CD247: variants seen among roughly 807,000 people sequenced by gnomAD.
CD247 encodes the protein T-cell surface glycoprotein CD3 zeta chain.
A neutral mutation model predicts 30.0 loss-of-function variants in CD247; 13 were observed. The observed-to-expected ratio is 0.43, with a 90% CI of 0.28 to 0.69. The LOEUF (loss-of-function observed/expected upper bound fraction) is 0.69. Ranked by LOEUF, CD247 falls within the 30% of genes least tolerant of loss-of-function variation. The pLI is 0.16. For synonymous variants in CD247, 72 were observed against 80.0 expected (o/e 0.90, Z 0.53); for missense variants, 193 against 212.6 (o/e 0.91, Z 0.57).
Position 167,478,454 on chromosome 1 carries a change from A to C in CD247, c.59-37687T>G, listed in dbSNP as rs183196351. ...CCTATTTGAAAGGCTGTCTCATGGA[A>C]AAGAGATTGGACTTGTGTATGTGTG... On this transcript the variant is annotated intron_variant, in intron 1 of 7. Transcript: ENST00000362089. Among the ~76,000 whole-genome samples the C allele has an allele frequency of 1.8e-3, 267 of 152,362 alleles. 3 individuals are homozygous for C. The highest frequency in any genetic ancestry group is 8.5e-3 in the Admixed American group (130 of 15,306).
chr1:167,507,209 A>G (rs1773544), intron 1 of CD247, among the ~76,000 whole-genome samples: 63,185 of 151,194 alleles, frequency 0.42, 14,231 homozygotes, highest in East Asian at 0.62. Context: ...GTAAGCCACC[A>G]CGCCTGGCCT....
chr1:167,481,404 T>C (rs1035896792), intron 1 of CD247, among the ~76,000 whole-genome samples: 8 of 152,358 alleles, frequency 5.3e-5, no homozygotes, highest in Middle Eastern at 3.4e-3. Flanking sequence ...CTTATACCTA[T>C]ATTAAAATCA....
In CD247 at chr1:167,431,167, A is replaced by G. The variant is rs1571502467; in HGVS notation, c.*514T>C. The G allele has an allele frequency of 7.0e-6, 3 of 425,720 alleles. No individual in the cohort carries two copies. The allele number at this position is 425,720 out of a possible 1,614,324, so 26.4% of individuals were successfully genotyped here. ...TTGCACCTGGCCTAGGCTCCTTTCCATCTGCCCCTCTGCCCGGCCCTCTCA... is the reference window on the plus strand; with the variant it reads ...TTGCACCTGGCCTAGGCTCCTTTCCGTCTGCCCCTCTGCCCGGCCCTCTCA... On this transcript the variant is annotated 3_prime_UTR_variant, in exon 8 of 8. Transcript: ENST00000362089.
At chr1:167,467,790 C>A (rs538748813) in intron 1 of CD247, among the ~76,000 whole-genome samples, 1 of 152,326 alleles carries the variant, frequency 6.6e-6, no homozygotes, top group East Asian at 1.9e-4. Context: ...CCTAGGGCCT[C>A]CGTCTGGTCG....
At chr1:167,497,718 A>G (rs1654748825) in intron 1 of CD247, among the ~76,000 whole-genome samples, 1 of 152,202 alleles carries the variant, frequency 6.6e-6, no homozygotes, top group Non-Finnish European at 1.5e-5. Flanking sequence ...CAAACTCTCC[A>G]AGGAACAAAC....
chr1:167,466,559 TAAAA>T, intron 1 of CD247, among the ~76,000 whole-genome samples: 1 of 152,328 alleles, frequency 6.6e-6, no homozygotes, highest in East Asian at 1.9e-4. Context: ...ATATTGGAAA[TAAAA>T]TTTAATCCAG....
At chr1:167,440,599 G>A in intron 2 of CD247, 65 bp downstream of exon 2, 1 of 1,080,612 alleles carries the variant, frequency 9.3e-7, no homozygotes, top group South Asian at 1.3e-5. Context: ...CAAGACCAAG[G>A]CCCCTCTGAA....
chr1:167,498,895 A>G (rs1465945299), intron 1 of CD247, among the ~76,000 whole-genome samples: 1 of 152,158 alleles, frequency 6.6e-6, no homozygotes, highest in Admixed American at 6.5e-5. Context: ...GTTGCTTTCT[A>G]TGGTTTACGG....
In CD247 at chr1:167,470,504, TAAA is replaced by T. The variant is rs55679205; in HGVS notation, c.59-29740_59-29738del. On this transcript the variant is annotated intron_variant, in intron 1 of 7. Coordinates refer to ENST00000362089, the MANE Select transcript of CD247 (RefSeq NM_198053.3). ...CTTACAGAAGTAAAAATGTTAATTG[TAAA>T]AAAAAAAAAAAAAAAAAAAAGAAAC... 5.7e-3 allele frequency among the ~76,000 whole-genome samples: 703 copies of T among 122,368 alleles called. 3 individuals carry two copies. The highest frequency in any genetic ancestry group is 8.1e-3 in the Non-Finnish European group (498 of 61,526). The allele number at this position is 122,368 out of a possible 152,430, so 80.3% of individuals were successfully genotyped here.
rs1470408203 is a variant in CD247, at chr1:167,518,402, C to T, written c.58+6G>A. On this transcript the variant is annotated splice_donor_region_variant and intron_variant, in intron 1 of 7. Coordinates refer to ENST00000362089, the MANE Select transcript of CD247 (RefSeq NM_198053.3). Reference sequence around the variant, plus strand: ...AAGTTCCCTGCCGTCGACACGTCGGCCCTACCTGTAATCGGCAACTGTGCC... The same window carrying T: ...AAGTTCCCTGCCGTCGACACGTCGGTCCTACCTGTAATCGGCAACTGTGCC... 2 of 1,614,094 alleles carry T rather than the reference C, an allele frequency of 1.2e-6. No homozygotes were observed. The highest frequency in any genetic ancestry group is 2.2e-5 in the South Asian group (2 of 91,082).
chr1:167,486,085 C>T (rs951022900), intron 1 of CD247, among the ~76,000 whole-genome samples: 1 of 152,230 alleles, frequency 6.6e-6, no homozygotes, highest in Non-Finnish European at 1.5e-5. Flanking sequence ...CAGGTGGCCT[C>T]AGCTCTGCTG....
intron 1 of CD247, among the ~76,000 whole-genome samples, chr1:167,482,244 A>G (rs1044271105): frequency 2.6e-5 from 4 of 152,196 alleles, no homozygotes; most frequent in Non-Finnish European, 5.9e-5. Context: ...TCAAGCTGGC[A>G]TCTCCTTTCT....
At chr1:167,456,271 T>G (rs1652665531) in intron 1 of CD247, among the ~76,000 whole-genome samples, 1 of 152,068 alleles carries the variant, frequency 6.6e-6, no homozygotes, top group South Asian at 2.1e-4. Context: ...TGCCTGTGCC[T>G]GGGGCTGTGC....
intron 4 of CD247, among the ~76,000 whole-genome samples, chr1:167,436,066 A>T (rs1391003787): frequency 6.6e-6 from 1 of 152,236 alleles, no homozygotes; most frequent in East Asian, 1.9e-4. Context: ...CCCTGTGCTT[A>T]AAAGGACCCT....
At chr1:167,446,256 C>T (rs1652073704) in intron 1 of CD247, among the ~76,000 whole-genome samples, 1 of 152,178 alleles carries the variant, frequency 6.6e-6, no homozygotes, top group Non-Finnish European at 1.5e-5. Flanking sequence ...AAGTCCGCCC[C>T]CCACCACTGG....
chr1:167,472,184 A>G lies in CD247; in HGVS notation c.59-31417T>C, dbSNP rs189224662. Among the ~76,000 whole-genome samples the G allele has an allele frequency of 1.2e-3, 178 of 152,156 alleles. 1 individual carries two copies. The highest frequency in any genetic ancestry group is 4.2e-3 in the African/African-American group (176 of 41,482). On this transcript the variant is annotated intron_variant, in intron 1 of 7. Transcript: ENST00000362089. ...CATATTAAGGATTCATCCTTTTCCT[A>G]TGGTATATACTGTGAATATTTTCCC...
intron 7 of CD247, among the ~76,000 whole-genome samples, chr1:167,432,388 T>A (rs1388015600): frequency 6.6e-6 from 1 of 152,118 alleles, no homozygotes; most frequent in Non-Finnish European, 1.5e-5. Flanking sequence ...CCTTTTGATA[T>A]CACTCAACTC....
At chr1:167,466,447 GT>G (rs1653252513) in intron 1 of CD247, among the ~76,000 whole-genome samples, 1 of 151,648 alleles carries the variant, frequency 6.6e-6, no homozygotes, top group African/African-American at 2.4e-5. Flanking sequence ...TAGAACTAAT[GT>G]TGTTGGGGAA....
chr1:167,504,290 C>T (rs953969694), intron 1 of CD247, among the ~76,000 whole-genome samples: 4 of 152,210 alleles, frequency 2.6e-5, no homozygotes, highest in Non-Finnish European at 5.9e-5. Flanking sequence ...GTTACCACCC[C>T]TCTATCACTT....
Sources: allele counts gnomAD v4.1 joint callset (sites outside exome capture counted in the v4.1 genomes callset), GRCh38; gene constraint gnomAD v4.1.1; transcripts MANE v1.5; gene names NCBI Gene and HGNC (gene_info 2026-07-23, HGNC 2026-07-21).